The following DGKD variants were observed in gnomAD, a reference collection of about 807,000 sequenced individuals.
DGKD encodes the protein diacylglycerol kinase delta.
A neutral mutation model predicts 154.4 loss-of-function variants in DGKD; 68 were observed. That is an observed-to-expected ratio of 0.44 (90% confidence interval 0.36 to 0.54). The LOEUF (loss-of-function observed/expected upper bound fraction) is 0.54. Ranked by LOEUF, DGKD falls within the 20% of genes least tolerant of loss-of-function variation. The pLI is 0.00. For synonymous variants in DGKD, 693 were observed against 638.0 expected, an observed-to-expected ratio of 1.09 and a Z score of -1.30; for missense variants, 1,343 against 1,593.6, an observed-to-expected ratio of 0.84 and a Z score of 2.68.
intron 28 of DGKD, among the ~76,000 whole-genome samples, chr2:233,468,143 T>C (rs2063886202): frequency 6.6e-6 from 1 of 151,566 alleles, no homozygotes; most frequent in Non-Finnish European, 1.5e-5. Context: ...CTTTCTGCAC[T>C]GCTGGTGGGT....
chr2:233,461,127 C>T (rs1005651850), intron 24 of DGKD, among the ~76,000 whole-genome samples: 2 of 152,222 alleles, frequency 1.3e-5, no homozygotes, highest in Non-Finnish European at 2.9e-5. Context: ...GCATTGTCTG[C>T]CATTCCTGCT....
intron 1 of DGKD, among the ~76,000 whole-genome samples, chr2:233,367,805 C>T (rs1350967472): frequency 1.3e-5 from 2 of 150,890 alleles, no homozygotes. Context: ...GCTGTGTCAT[C>T]GCTTGGTTTA....
chr2:233,370,945 T>G (rs1702290121), intron 1 of DGKD, among the ~76,000 whole-genome samples: 1 of 151,940 alleles, frequency 6.6e-6, no homozygotes, highest in South Asian at 2.1e-4. Context: ...AGAGATGAGG[T>G]CTTGCTGTGT....
Position 233,452,063 on chromosome 2 carries a change from G to A in DGKD, c.2264+3G>A. 1 of 1,612,814 alleles carries A rather than the reference G, an allele frequency of 6.2e-7. No individual in the cohort carries two copies. Among genetic ancestry groups the A allele is most frequent in the Non-Finnish European group, 8.5e-7 (1 of 1,178,814 alleles). ...TTCAACTCTGAACCAGAAACCCTGT[G>A]AGTATGAGGGATAAACCGAGTGGGC... On this transcript the variant is annotated splice_donor_region_variant and intron_variant, in intron 18 of 29. Coordinates refer to ENST00000264057, the MANE Select transcript of DGKD (RefSeq NM_152879.3). The surrounding 1 kb of genome is among the most constrained non-coding windows in gnomAD (Gnocchi z 4.0).
intron 17 of DGKD, 134 bp downstream of exon 17, chr2:233,451,184 T>A: frequency 1.1e-4 from 87 of 822,082 alleles, no homozygotes; most frequent in East Asian, 1.3e-4. Context: ...TTGAAAAATT[T>A]ACACGACTGT....
At chr2:233,433,175 G>T (rs2125585422) in intron 3 of DGKD, among the ~76,000 whole-genome samples, 1 of 152,320 alleles carries the variant, frequency 6.6e-6, no homozygotes, top group African/African-American at 2.4e-5. Context: ...CAATAGCCAA[G>T]ATTTGGAAGC....
In DGKD at chr2:233,469,552, T is replaced by C. The variant is rs1367990745; in HGVS notation, c.*92T>C. On this transcript the variant is annotated 3_prime_UTR_variant, in exon 30 of 30. Coordinates refer to ENST00000264057, the MANE Select transcript of DGKD (RefSeq NM_152879.3). Reference sequence around the variant, plus strand: ...CTGTGGCCTCTGCGCCTCCTGCCACTGAGGCCCTGGGCAGATGCTGCAGCC... The same window carrying C: ...CTGTGGCCTCTGCGCCTCCTGCCACCGAGGCCCTGGGCAGATGCTGCAGCC... 1.6e-5 allele frequency: 18 copies of C among 1,129,044 alleles called. No individual in the cohort carries two copies. In the East Asian group the frequency reaches 3.3e-4, roughly 21 times the overall value. The allele number at this position is 1,129,044 out of a possible 1,614,324, so 69.9% of individuals were successfully genotyped here. A position where few individuals can be genotyped will look rare whatever the true frequency, so the allele number is the denominator to read the frequency against.
At chr2:233,398,290 C>T (rs1192477473) in intron 3 of DGKD, among the ~76,000 whole-genome samples, 4 of 151,714 alleles carry the variant, frequency 2.6e-5, no homozygotes, top group East Asian at 2.0e-4. Context: ...GTACAGGTGC[C>T]GCCACCACGC....
chr2:233,429,424 C>T (rs535748006), intron 3 of DGKD: 18 of 705,886 alleles, frequency 2.5e-5, no homozygotes, highest in East Asian at 2.7e-4. Flanking sequence ...GGGACGGTGC[C>T]GATGACATGC....
In DGKD at chr2:233,420,331, A is replaced by G. The variant is rs188053761; in HGVS notation, c.349-14049A>G. Among the ~76,000 whole-genome samples the G allele has an allele frequency of 2.6e-5, 4 of 152,092 alleles. No individual in the cohort carries two copies. In the East Asian group the frequency reaches 7.7e-4, roughly 29 times the overall value. On this transcript the variant is annotated intron_variant, in intron 3 of 29. Transcript: ENST00000264057. ...CTAGTTCTGGCTTGGGCATGTTAGC[A>G]TATTTTTGTGCCAAAACATTTAAAA...
chr2:233,367,585 CT>C (rs1319337395), intron 1 of DGKD, among the ~76,000 whole-genome samples: 1 of 152,050 alleles, frequency 6.6e-6, no homozygotes, highest in African/African-American at 2.4e-5. Context: ...ACCTAATAAT[CT>C]TTCTGGATTT....
At chr2:233,451,603 T>G (rs2063297037) in intron 17 of DGKD, among the ~76,000 whole-genome samples, 1 of 151,568 alleles carries the variant, frequency 6.6e-6, no homozygotes, top group African/African-American at 2.4e-5. Flanking sequence ...GGTCTCTCTC[T>G]ATTGCCCAGG....
chr2:233,357,910 A>T (rs1574969012), intron 1 of DGKD, among the ~76,000 whole-genome samples: 1 of 152,170 alleles, frequency 6.6e-6, no homozygotes, highest in South Asian at 2.1e-4. Flanking sequence ...GAAAAACAAG[A>T]CCTTATGGCA....
intron 3 of DGKD, among the ~76,000 whole-genome samples, chr2:233,432,397 C>T (rs902178296): frequency 2.2e-5 from 3 of 136,320 alleles, no homozygotes; most frequent in Non-Finnish European, 4.8e-5. Flanking sequence ...TGGTTGCTCA[C>T]GCCTGTAATC....
intron 2 of DGKD, among the ~76,000 whole-genome samples, chr2:233,389,163 C>A (rs534771898): frequency 3.9e-5 from 6 of 152,306 alleles, no homozygotes; most frequent in Non-Finnish European, 8.8e-5. Flanking sequence ...CTGTGCCCAG[C>A]CAAAGTAGAA....
At chr2:233,416,771 A>C (rs2061970388) in intron 3 of DGKD, among the ~76,000 whole-genome samples, 2 of 152,124 alleles carry the variant, frequency 1.3e-5, no homozygotes, top group African/African-American at 2.4e-5. Flanking sequence ...GAGGTCTTTC[A>C]GCTCCTTGTT....
rs113095270 is a variant in DGKD, at chr2:233,387,524, C to T, written c.157-733C>T. On this transcript the variant is annotated intron_variant, in intron 1 of 29. Transcript: ENST00000264057. ...TTTGATGTTTTGGTGGCATGGGCTG[C>T]GTAAGGCGGGAGAGCAGCTCCGGGA... 4.5e-3 allele frequency among the ~76,000 whole-genome samples: 684 copies of T among 152,246 alleles called. 4 individuals are homozygous for T. The highest frequency in any genetic ancestry group is 0.016 in the African/African-American group (651 of 41,530).
At chr2:233,453,253 T>C (rs771043351) in intron 18 of DGKD, among the ~76,000 whole-genome samples, 1 of 152,164 alleles carries the variant, frequency 6.6e-6, no homozygotes, top group Non-Finnish European at 1.5e-5. Context: ...GTGGGCCCCA[T>C]TGTAGCTGGG....
chr2:233,434,199 G>A (rs1236262288), intron 3 of DGKD, among the ~76,000 whole-genome samples, 181 bp from the exon 4 acceptor site: 2 of 152,184 alleles, frequency 1.3e-5, no homozygotes, highest in African/African-American at 4.8e-5. Flanking sequence ...TTTGGTTTGA[G>A]ATCATTCTTA....
Sources: gnomAD v4.1 joint callset for allele counts (sites outside exome capture counted in the v4.1 genomes callset) on GRCh38, gnomAD v4.1.1 for gene constraint, Gnocchi (gnomAD v3.1) non-coding constraint, MANE v1.5 for transcripts, NCBI Gene and HGNC (gene_info 2026-07-23, HGNC 2026-07-21) for gene names.